The following MAP3K6 variants were observed in gnomAD, a reference collection of about 807,000 sequenced individuals.
MAP3K6 encodes apoptosis signal-regulating kinase 2.
MAP3K6 carries 105 observed loss-of-function variants against 147.1 expected under a neutral mutation model. That is an observed-to-expected ratio of 0.71 (90% CI 0.61 to 0.84). MAP3K6 has a LOEUF of 0.84. MAP3K6 is among the 40% of genes least tolerant of loss of function. The pLI is 0.00. For missense variants in MAP3K6, 1,569 were observed against 1,715.0 expected (o/e 0.91, Z 1.50); for synonymous variants, 695 against 732.4 (o/e 0.95, Z 0.82).
At position 27,358,938 on chromosome 1, in the gene MAP3K6, G is replaced by A. The variant is rs529383024; in HGVS notation, c.2426-72C>T. The A allele has an allele frequency of 6.8e-5, 99 of 1,457,002 alleles. No homozygotes were observed. The highest frequency in any genetic ancestry group is 6.4e-4 in the East Asian group (28 of 43,712). The allele number at this position is 1,457,002 out of a possible 1,614,324, so 90.3% of individuals were successfully genotyped here. On this transcript the variant is annotated intron_variant, in intron 18 of 28. Transcript: ENST00000357582. The surrounding 1 kb of genome is among the most constrained non-coding windows in gnomAD (Gnocchi z 6.2). Reference sequence around the variant, plus strand: ...GGGTTGGAGCAGGGAGGGGAATGCCGTCATCCTCAGGCCGACTGCACCCAT... The same window carrying A: ...GGGTTGGAGCAGGGAGGGGAATGCCATCATCCTCAGGCCGACTGCACCCAT...
chr1:27,356,466 A>G lies in MAP3K6; in HGVS notation c.3559T>C (p.Tyr1187His). The part of the protein sequence containing the change: ...REILAGKERE[Y>H]QALVQRALQR... ...AGAGCCCGCTGCACCAGGGCCTGGT[A>G]CTCCCGTTCCTTCCCCGCCAGGATT... The change falls in exon 26 of 29, where the codon TAC (tyrosine) becomes CAC (histidine). Residue 1187 changes from tyrosine to histidine, a missense_variant. Tyr to His is a moderately conservative substitution (Grantham distance 83). Transcript: ENST00000357582. The G allele has an allele frequency of 6.2e-7, 1 of 1,613,900 alleles. No individual in the cohort carries two copies. Among genetic ancestry groups the G allele is most frequent in the East Asian group, 2.2e-5 (1 of 44,884 alleles).
rs544318017 is a variant in MAP3K6 at position 27,355,425 on chromosome 1, C to G, written c.3833G>C (p.Arg1278Pro). The change falls in exon 29 of 29, where the codon CGA becomes CCA. Residue 1278 changes from arginine (R) to proline (P), a missense_variant. Physicochemically the swap from Arg to Pro is moderately radical, Grantham distance 103 (BLOSUM62 -2). Transcript: ENST00000357582. ...CRIWRAILAQ[R>P]AGSTPVTSGP ...AGAGGTGACTGGTGTGGATCCTGCTCGCTGTGCCAAGATGGCCCTCCAGAT... is the reference window on the plus strand; with the variant it reads ...AGAGGTGACTGGTGTGGATCCTGCTGGCTGTGCCAAGATGGCCCTCCAGAT... The G allele has an allele frequency of 1.2e-6, 2 of 1,614,048 alleles. No homozygotes were observed. Among genetic ancestry groups the G allele is most frequent in the Non-Finnish European group, 8.5e-7 (1 of 1,179,972 alleles).
rs879129785 is a variant in MAP3K6, at chr1:27,364,607, A to G, written c.504+54T>C. The G allele has an allele frequency of 1.2e-6, 2 of 1,613,126 alleles. No homozygotes were observed. The highest frequency in any genetic ancestry group is 2.2e-5 in the South Asian group (2 of 91,042). On this transcript the variant is annotated intron_variant, in intron 3 of 28. Transcript: ENST00000357582. This position sits in a 1 kb window ranked among gnomAD's most constrained non-coding sequence, Gnocchi z 4.4. ...GGCCAGGGGGATTAGTGGAGGTCAG[A>G]GGTCATAGCGGAAGTCAAAGGGCAC...
chr1:27,356,430 T>G lies in MAP3K6; in HGVS notation c.3595A>C (p.Asn1199His), dbSNP rs534028067. 6.2e-7 allele frequency: 1 copy of G among 1,613,580 alleles called. No homozygotes were observed. The highest frequency in any genetic ancestry group is 1.7e-5 in the Admixed American group (1 of 59,950). Residue 1199 changes from asparagine (N) to histidine (H), a missense_variant, in exon 26 of 29, where the codon AAT (asparagine) becomes CAT (histidine). Asn to His is a moderately conservative substitution (Grantham distance 68). Coordinates refer to ENST00000357582, the MANE Select transcript of MAP3K6 (RefSeq NM_004672.5). The part of the protein sequence containing the change: ...ALVQRALQRL[N>H]EEARTYVLAP... ...AGGACATAGGTCCGGGCTTCCTCATTCAGCCGCTGTAGAGCCCGCTGCACC... is the reference window on the plus strand; with the variant it reads ...AGGACATAGGTCCGGGCTTCCTCATGCAGCCGCTGTAGAGCCCGCTGCACC...
chr1:27,361,946 G>C, intron 9 of MAP3K6, 79 bp from the exon 10 acceptor site: 1 of 1,497,940 alleles, frequency 6.7e-7, no homozygotes, highest in Admixed American at 2.4e-5. Context: ...CCTGGATATA[G>C]CTAGAACGTT....
intron 6 of MAP3K6, 146 bp from the exon 7 acceptor site, chr1:27,363,167 C>T (rs866885952): frequency 2.7e-6 from 2 of 731,428 alleles, no homozygotes; most frequent in Non-Finnish European, 4.5e-6. Flanking sequence ...GCACTGACCT[C>T]TCTAGTGACC....
rs1248203272 is a variant in MAP3K6 at position 27,361,149 on chromosome 1, C to T, written c.1832+8G>A. 1 of 1,602,192 alleles carries T rather than the reference C, an allele frequency of 6.2e-7. No homozygotes were observed. The highest frequency in any genetic ancestry group is 8.5e-7 in the Non-Finnish European group (1 of 1,175,266). ...CTCAGAGTACCCCGACCATGAAAGG[C>T]TGCGCACCACTGGCAGTGCCCTACG... On this transcript the variant is annotated splice_region_variant and intron_variant, in intron 13 of 28. Coordinates refer to ENST00000357582, the MANE Select transcript of MAP3K6 (RefSeq NM_004672.5).
chr1:27,363,073 C>T (rs1406389742), intron 6 of MAP3K6, 52 bp from the exon 7 acceptor site: 1 of 1,529,530 alleles, frequency 6.5e-7, no homozygotes, highest in East Asian at 2.3e-5. Flanking sequence ...CCTACTCTGT[C>T]CAGGGACCTC....
intron 21 of MAP3K6, 69 bp from the exon 22 acceptor site, chr1:27,357,945 T>G: frequency 6.7e-7 from 1 of 1,497,154 alleles, no homozygotes; most frequent in Non-Finnish European, 8.9e-7. Context: ...TTGCCGGGTT[T>G]GAATCCTGGC....
chr1:27,360,498 A>C lies in MAP3K6; in HGVS notation c.2055-130T>G, dbSNP rs2015707969. 3 of 1,251,112 alleles carry C rather than the reference A, an allele frequency of 2.4e-6. No individual in the cohort carries two copies. The highest frequency in any genetic ancestry group is 3.1e-6 in the Non-Finnish European group (3 of 955,330). The allele number at this position is 1,251,112 out of a possible 1,614,324, so 77.5% of individuals were successfully genotyped here. ...GCCCTCTCCGACCTTCCCCACCCTT[A>C]CTACCCTGCCCACAGGACCCTCCAG... is the stretch of plus-strand genomic sequence containing the variant. On this transcript the variant is annotated intron_variant, in intron 15 of 28. Coordinates refer to ENST00000357582, the MANE Select transcript of MAP3K6 (RefSeq NM_004672.5). This position sits in a 1 kb window ranked among gnomAD's most constrained non-coding sequence, Gnocchi z 4.5.
rs2015786386 is a variant in MAP3K6, at chr1:27,361,824, A to C, written c.1459T>G (p.Phe487Val). 6.3e-7 allele frequency: 1 copy of C among 1,596,022 alleles called. No individual in the cohort carries two copies. Among genetic ancestry groups the C allele is most frequent in the African/African-American group, 1.3e-5 (1 of 74,548 alleles). ...VMETFLLYQH[F>V]RPTPEPPGGP... Reference sequence around the variant, plus strand: ...CCAGGGGGCTCTGGCGTGGGCCTGAAGTGCTGGTAGAGCAGGAAGGTCTCC... The same window carrying C: ...CCAGGGGGCTCTGGCGTGGGCCTGACGTGCTGGTAGAGCAGGAAGGTCTCC... Residue 487 changes from phenylalanine (F) to valine (V), a missense_variant, in exon 10 of 29, where the codon TTC (phenylalanine) becomes GTC (valine). Physicochemically the swap from Phe to Val is conservative, Grantham distance 50 (BLOSUM62 -1). Coordinates refer to ENST00000357582, the MANE Select transcript of MAP3K6 (RefSeq NM_004672.5).
At chr1:27,357,303 C>G (rs1383167463) in intron 23 of MAP3K6, 97 bp downstream of exon 23, 19 of 1,471,556 alleles carry the variant, frequency 1.3e-5, no homozygotes, top group Admixed American at 2.0e-5. Context: ...ACAGAGGAGA[C>G]AGGGAATCTG....
chr1:27,356,833 C>A (rs2015544244), intron 24 of MAP3K6, 84 bp from the exon 25 acceptor site: 3 of 1,490,554 alleles, frequency 2.0e-6, no homozygotes, highest in South Asian at 2.7e-5. Flanking sequence ...GTAGGGTGCC[C>A]GGCTCTGGGC....
Position 27,356,661 on chromosome 1 carries a change from A to C in MAP3K6, c.3453T>G (p.Leu1151=). The change falls in exon 25 of 29, where the codon CTT becomes CTG. Residue 1151 remains leucine, a synonymous_variant. Transcript: ENST00000357582. ...CGGGGCCCTGCTCGGGCTCCACCGG[A>C]AGCGGGCTCTGCTGGCCTGGGCTCT... ...SQQSPGQQSP[L]PVEPEQGPAP... is the part of the protein sequence containing the mutation. 1 of 1,612,066 alleles carries C rather than the reference A, an allele frequency of 6.2e-7. No homozygotes were observed. Among genetic ancestry groups the C allele is most frequent in the Non-Finnish European group, 8.5e-7 (1 of 1,178,954 alleles).
In MAP3K6 at chr1:27,366,257, C is replaced by T. The variant is rs2015978371; in HGVS notation, c.340+1G>A. ...TCCGGCCCCGCCCCCAGCGCTCTCA[C>T]CCGCGTTGTAGAAGGCATCCAGAGC... On this transcript the variant is annotated splice_donor_variant, in intron 1 of 28. Transcript: ENST00000357582. LOFTEE classifies it high-confidence loss of function. The surrounding 1 kb of genome is among the most constrained non-coding windows in gnomAD (Gnocchi z 5.5). The T allele has an allele frequency of 7.5e-7, 1 of 1,326,514 alleles. No individual in the cohort carries two copies. Among genetic ancestry groups the T allele is most frequent in the Non-Finnish European group, 9.6e-7 (1 of 1,039,880 alleles). The allele number at this position is 1,326,514 out of a possible 1,614,324, so 82.2% of individuals were successfully genotyped here. A position where few individuals can be genotyped will look rare whatever the true frequency, so the allele number is the denominator to read the frequency against.
In MAP3K6 at chr1:27,366,255, C is replaced by T; in HGVS notation, c.340+3G>A. 1 of 1,323,866 alleles carries T rather than the reference C, an allele frequency of 7.6e-7. No homozygotes were observed. Among genetic ancestry groups the T allele is most frequent in the Non-Finnish European group, 9.6e-7 (1 of 1,038,494 alleles). The allele number at this position is 1,323,866 out of a possible 1,614,324, so 82.0% of individuals were successfully genotyped here. On this transcript the variant is annotated splice_donor_region_variant and intron_variant, in intron 1 of 28. Transcript: ENST00000357582. This position sits in a 1 kb window ranked among gnomAD's most constrained non-coding sequence, Gnocchi z 5.5. The stretch of plus-strand genomic sequence containing the variant: ...GATCCGGCCCCGCCCCCAGCGCTCT[C>T]ACCCGCGTTGTAGAAGGCATCCAGA...
In MAP3K6 at chr1:27,357,119, A is replaced by G. The variant is rs1557555301; in HGVS notation, c.3259-5T>C. On this transcript the variant is annotated splice_region_variant and splice_polypyrimidine_tract_variant and intron_variant, in intron 23 of 28. Coordinates refer to ENST00000357582, the MANE Select transcript of MAP3K6 (RefSeq NM_004672.5). ...CTTGCGGAGGATCTGCTTCACCTGC[A>G]GGGGGAGGGAGGCGCCGCTGAGACA... 1.2e-6 allele frequency: 2 copies of G among 1,611,080 alleles called. No homozygotes were observed. The highest frequency in any genetic ancestry group is 4.5e-5 in the East Asian group (2 of 44,838).
Position 27,355,234 on chromosome 1 carries a change from G to A in MAP3K6, c.*157C>T. 1 of 747,314 alleles carries A rather than the reference G, an allele frequency of 1.3e-6. No homozygotes were observed. Among genetic ancestry groups the A allele is most frequent in the Non-Finnish European group, 2.5e-6 (1 of 406,108 alleles). The allele number at this position is 747,314 out of a possible 1,614,324, so 46.3% of individuals were successfully genotyped here. On this transcript the variant is annotated 3_prime_UTR_variant, in exon 29 of 29. Transcript: ENST00000357582. ...TTTGTCTGGTAGTGCTTGGGTGCCT[G>A]TGGTTGGTTTCTCTCACTGGAACCA... is the stretch of plus-strand genomic sequence containing the variant.
Position 27,363,897 on chromosome 1 carries a change from C to A in MAP3K6, c.864+20G>T, listed in dbSNP as rs1326978459. 3.9e-6 allele frequency: 6 copies of A among 1,549,064 alleles called. No homozygotes were observed. The highest frequency in any genetic ancestry group is 4.4e-6 in the Non-Finnish European group (5 of 1,146,062). ...ACCTCAAATGCCAGCTGCCCTACTG[C>A]CTCTCTGAACACCACGCACCTGCAC... On this transcript the variant is annotated intron_variant, in intron 5 of 28. Coordinates refer to ENST00000357582, the MANE Select transcript of MAP3K6 (RefSeq NM_004672.5).
Sources: gnomAD v4.1 joint callset for allele counts on GRCh38, gnomAD v4.1.1 for gene constraint, Gnocchi (gnomAD v3.1) non-coding constraint, MANE v1.5 for transcripts, NCBI Gene and HGNC (gene_info 2026-07-23, HGNC 2026-07-21) for gene names.